KALRN: variants seen among roughly 807,000 people sequenced by gnomAD.
KALRN encodes kalirin.
Under a neutral mutation model 353.7 loss-of-function variants are expected in KALRN, and 70 were observed. That is an observed-to-expected ratio of 0.20 (90% CI 0.16 to 0.24). The LOEUF (loss-of-function observed/expected upper bound fraction) is 0.24, where lower values mean the gene tolerates loss of function less well. Among genes scored for constraint, KALRN ranks in the 10% least tolerant of loss-of-function variants. The pLI is 1.00. For missense variants in KALRN, 2,791 were observed against 3,756.7 expected (o/e 0.74, Z 6.72); for synonymous variants, 1,391 against 1,434.8 (o/e 0.97, Z 0.69).
chr3:124,444,571 G>A (rs982573267), intron 19 of KALRN, among the ~76,000 whole-genome samples: 1 of 151,962 alleles, frequency 6.6e-6, no homozygotes, highest in Non-Finnish European at 1.5e-5. Context: ...ACCGAGGAAG[G>A]AGGATCACTT....
intron 34 of KALRN, among the ~76,000 whole-genome samples, chr3:124,623,811 G>T (rs2079602908): frequency 6.6e-6 from 1 of 152,130 alleles, no homozygotes; most frequent in African/African-American, 2.4e-5. Context: ...CTAATGAAAG[G>T]CTACCTAAGT....
chr3:124,505,293 GAGGCAAGCTCTTCTGGT>G (rs2065082166), intron 33 of KALRN, among the ~76,000 whole-genome samples: 1 of 152,116 alleles, frequency 6.6e-6, no homozygotes, highest in Non-Finnish European at 1.5e-5. Context: ...GTGGTACCTA[GAGGCAAGCTCTTCTGGT>G]AGGCATGAAA....
At chr3:124,408,314 C>T (rs937080988) in intron 13 of KALRN, among the ~76,000 whole-genome samples, 1 of 152,148 alleles carries the variant, frequency 6.6e-6, no homozygotes, top group African/African-American at 2.4e-5. Flanking sequence ...GTAAAACTGG[C>T]ACTTTTCTGA....
chr3:124,280,733 C>T (rs957400933), intron 5 of KALRN, among the ~76,000 whole-genome samples: 1 of 152,164 alleles, frequency 6.6e-6, no homozygotes, highest in Non-Finnish European at 1.5e-5. Context: ...GAGACACCAT[C>T]TCATATATAA....
At chr3:124,585,972 C>A (rs993006342) in intron 34 of KALRN, among the ~76,000 whole-genome samples, 1 of 152,154 alleles carries the variant, frequency 6.6e-6, no homozygotes, top group African/African-American at 2.4e-5. Context: ...ACAACATAGC[C>A]CTGAGAAATT....
At chr3:124,638,943 T>C (rs1436562245) in intron 37 of KALRN, among the ~76,000 whole-genome samples, 2 of 152,222 alleles carry the variant, frequency 1.3e-5, no homozygotes, top group Non-Finnish European at 2.9e-5. Flanking sequence ...AAAATTATTT[T>C]CAGTGACAGA....
chr3:124,145,825 G>A (rs767891331), intron 1 of KALRN, among the ~76,000 whole-genome samples: 3 of 152,170 alleles, frequency 2.0e-5, no homozygotes, highest in African/African-American at 4.8e-5. Context: ...TATCTGGTAC[G>A]TTTCAGTTAA....
intron 5 of KALRN, among the ~76,000 whole-genome samples, chr3:124,279,274 T>C (rs1445940774): frequency 6.6e-6 from 1 of 152,182 alleles, no homozygotes; most frequent in Non-Finnish European, 1.5e-5. Flanking sequence ...ATCTGTAAAA[T>C]ATAGATTTTA....
intron 33 of KALRN, among the ~76,000 whole-genome samples, chr3:124,533,203 A>G (rs1201120402): frequency 6.6e-6 from 1 of 151,976 alleles, no homozygotes. Flanking sequence ...AGCCTGGGCA[A>G]CACAGCAAGA....
intron 1 of KALRN, among the ~76,000 whole-genome samples, chr3:124,156,013 C>T (rs1312620906): frequency 6.6e-6 from 1 of 152,332 alleles, no homozygotes; most frequent in South Asian, 2.1e-4. Context: ...GATAGATGGA[C>T]ACCCATCCAA....
intron 34 of KALRN, among the ~76,000 whole-genome samples, chr3:124,567,327 G>A (rs745498995): frequency 7.2e-5 from 11 of 152,164 alleles, no homozygotes; most frequent in South Asian, 2.1e-4. Flanking sequence ...GGCCAAGCTG[G>A]AGCAGACCAG....
intron 1 of KALRN, among the ~76,000 whole-genome samples, chr3:124,110,948 A>G (rs1178179656): frequency 6.6e-6 from 1 of 152,204 alleles, no homozygotes; most frequent in Non-Finnish European, 1.5e-5. Flanking sequence ...TAAACTAAAT[A>G]CTATTGTTTC....
intron 57 of KALRN, among the ~76,000 whole-genome samples, chr3:124,711,482 G>A (rs930600789): frequency 6.6e-6 from 1 of 152,132 alleles, no homozygotes; most frequent in Non-Finnish European, 1.5e-5. Context: ...TCTTCAGACT[G>A]TTCTCTCCTC....
chr3:124,635,022 GAA>G, intron 36 of KALRN, among the ~76,000 whole-genome samples: 1 of 152,272 alleles, frequency 6.6e-6, no homozygotes, highest in Middle Eastern at 3.4e-3. Flanking sequence ...TGCTAGGCCG[GAA>G]GGACAAAGTC....
At position 124,198,607 on chromosome 3, in the gene KALRN, T is replaced by G. The variant is rs571927613; in HGVS notation, c.74-29383T>G. Among the ~76,000 whole-genome samples, 4 of 152,280 alleles carry G rather than the reference T, an allele frequency of 2.6e-5. No homozygotes were observed. In the South Asian group the frequency reaches 8.3e-4, roughly 32 times the overall value. ...AGGGCAACATCCCTCAAACAAAAGT[T>G]CATGACATCCTCTTGATAAGGAGTT... On this transcript the variant is annotated intron_variant, in intron 1 of 59. Coordinates refer to ENST00000682506, the MANE Select transcript of KALRN (RefSeq NM_001388419.1).
intron 1 of KALRN, among the ~76,000 whole-genome samples, chr3:124,201,691 C>T (rs2075959844): frequency 6.6e-6 from 1 of 152,038 alleles, no homozygotes; most frequent in Non-Finnish European, 1.5e-5. Context: ...GATGTGTAGA[C>T]CTCCCCCTGG....
chr3:124,596,865 T>C (rs2076315640), intron 34 of KALRN, among the ~76,000 whole-genome samples: 1 of 152,176 alleles, frequency 6.6e-6, no homozygotes, highest in Admixed American at 6.5e-5. Context: ...CTGGCCAATA[T>C]GGCGAAACCC....
intron 51 of KALRN, among the ~76,000 whole-genome samples, chr3:124,684,346 T>G (rs1473050599): frequency 6.6e-6 from 1 of 152,206 alleles, no homozygotes; most frequent in Non-Finnish European, 1.5e-5. Flanking sequence ...TAACTCCTAG[T>G]GCCAATTTTT....
At chr3:124,204,658 G>C (rs2150426199) in intron 1 of KALRN, among the ~76,000 whole-genome samples, 1 of 150,528 alleles carries the variant, frequency 6.6e-6, no homozygotes, top group South Asian at 2.1e-4. Flanking sequence ...TTTATCTTCA[G>C]CTTTGGATTA....
Sources: gnomAD v4.1 joint callset for allele counts (sites outside exome capture counted in the v4.1 genomes callset) on GRCh38, gnomAD v4.1.1 for gene constraint, MANE v1.5 for transcripts, NCBI Gene and HGNC (gene_info 2026-07-23, HGNC 2026-07-21) for gene names.